The following BIVM variants were observed in gnomAD, a reference collection of about 807,000 sequenced individuals.
BIVM encodes the protein basic immunoglobulin-like variable motif-containing protein.
In BIVM, 31 loss-of-function variants were observed where a neutral mutation model predicts 61.4. That is an observed-to-expected ratio of 0.51 (90% CI 0.38 to 0.68). BIVM has a LOEUF of 0.68. Among genes scored for constraint, BIVM ranks in the 30% least tolerant of loss-of-function variants. The probability of loss-of-function intolerance (pLI) is 0.00; values close to 1 mark genes in which losing one functional copy is unlikely to be tolerated. For synonymous variants in BIVM, 189 were observed against 210.7 expected, an observed-to-expected ratio of 0.90 and a Z score of 0.89; for missense variants, 526 against 596.0, an observed-to-expected ratio of 0.88 and a Z score of 1.22.
At chr13:102,800,272 C>T (rs1223468013) in intron 1 of BIVM, 2 of 152,250 alleles carry the variant, frequency 1.3e-5, no homozygotes, top group African/African-American at 4.8e-5. Flanking sequence ...CAACAGCGTC[C>T]CCGGGGCCCG....
chr13:102,825,140 T>A (rs192180919), intron 7 of BIVM, among the ~76,000 whole-genome samples: 120 of 152,130 alleles, frequency 7.9e-4, no homozygotes, highest in Middle Eastern at 6.8e-3. Context: ...AGAGATGGGG[T>A]TTCACCATGT....
chr13:102,822,207 A>G, intron 7 of BIVM, 48 bp downstream of exon 7: 1 of 1,510,288 alleles, frequency 6.6e-7, no homozygotes, highest in Non-Finnish European at 9.1e-7. Flanking sequence ...ACACATGCAC[A>G]CACACACATA....
At chr13:102,834,278 A>C (rs1216009571) in intron 8 of BIVM, among the ~76,000 whole-genome samples, 188 bp from the exon 9 acceptor site, 1 of 151,948 alleles carries the variant, frequency 6.6e-6, no homozygotes, top group African/African-American at 2.4e-5. Context: ...TTAAGGCTGA[A>C]ATTTTAATTT....
In BIVM at chr13:102,839,495, G is replaced by A. The variant is rs1881696091; in HGVS notation, c.1219-77G>A. 2.0e-6 allele frequency: 3 copies of A among 1,538,344 alleles called. No individual in the cohort carries two copies. In the African/African-American group the frequency reaches 4.2e-5, roughly 21 times the overall value. On this transcript the variant is annotated intron_variant, in intron 10 of 10. Transcript: ENST00000257336. ...GCCGGTGAAGTAAAAAAAGAAAGAA[G>A]GGAGTTCATAGGGACCTACAAATTA...
rs57072683 is a variant in BIVM, at chr13:102,821,303, A to G, written c.701+171A>G. On this transcript the variant is annotated intron_variant, in intron 5 of 10. Coordinates refer to ENST00000257336, the MANE Select transcript of BIVM (RefSeq NM_017693.4). ...ATATACATGTATTATTTTCAGTGAA[A>G]TAAAAATGGGCTGGGTACAGTGGCC... Among the ~76,000 whole-genome samples the G allele has an allele frequency of 6.6e-3, 998 of 152,328 alleles. 9 individuals carry two copies. Among genetic ancestry groups the G allele is most frequent in the African/African-American group, 0.022 (919 of 41,582 alleles).
At chr13:102,811,186 T>C (rs1000818953) in intron 3 of BIVM, among the ~76,000 whole-genome samples, 2 of 152,244 alleles carry the variant, frequency 1.3e-5, no homozygotes, top group Non-Finnish European at 2.9e-5. Context: ...TATTTCTTCC[T>C]ATGGCTTTGA....
At chr13:102,810,803 T>A (rs1566446194) in intron 3 of BIVM, among the ~76,000 whole-genome samples, 1 of 152,238 alleles carries the variant, frequency 6.6e-6, no homozygotes, top group East Asian at 1.9e-4. Flanking sequence ...CGACCATGGC[T>A]TACTGCAGCC....
At chr13:102,801,969 G>T (rs9518840) in intron 1 of BIVM, among the ~76,000 whole-genome samples, 2 of 151,936 alleles carry the variant, frequency 1.3e-5, no homozygotes, top group Non-Finnish European at 2.9e-5. Flanking sequence ...AGCTTGGGGG[G>T]TGGGGGAAAG....
At position 102,839,829 on chromosome 13, in the gene BIVM, T is replaced by C; in HGVS notation, c.1476T>C (p.Gly492=). The C allele has an allele frequency of 6.2e-7, 1 of 1,613,570 alleles. No homozygotes were observed. The highest frequency in any genetic ancestry group is 2.2e-5 in the East Asian group (1 of 44,884). ...GTATCCATGAGAGAAGGAACAGTGG[T>C]TACCAGGGTTACAGTGATTACGATG... ...MSSIHERRNS[G]YQGYSDYDGN... The change falls in exon 11 of 11, where the codon GGT becomes GGC. Residue 492 remains glycine, a synonymous_variant. Coordinates refer to ENST00000257336, the MANE Select transcript of BIVM (RefSeq NM_017693.4).
At chr13:102,834,732 A>G (rs115722296) in intron 9 of BIVM, among the ~76,000 whole-genome samples, 180 bp downstream of exon 9, 3 of 152,160 alleles carry the variant, frequency 2.0e-5, no homozygotes, top group African/African-American at 7.2e-5. Flanking sequence ...ACTCCTATCA[A>G]TCTCCATAGA....
chr13:102,828,898 C>T (rs185657446), intron 7 of BIVM, among the ~76,000 whole-genome samples: 15 of 152,148 alleles, frequency 9.9e-5, no homozygotes, highest in South Asian at 6.2e-4. Flanking sequence ...GGCATGGTGG[C>T]GTGCACCTGT....
At chr13:102,826,217 T>C (rs1032444491) in intron 7 of BIVM, among the ~76,000 whole-genome samples, 1 of 152,124 alleles carries the variant, frequency 6.6e-6, no homozygotes, top group African/African-American at 2.4e-5. Context: ...TAGCTCATCT[T>C]TCCTTCTGGC....
At chr13:102,815,437 T>C (rs1879799733) in intron 3 of BIVM, among the ~76,000 whole-genome samples, 1 of 152,196 alleles carries the variant, frequency 6.6e-6, no homozygotes, top group African/African-American at 2.4e-5. Flanking sequence ...GGCTTGGATG[T>C]TATTTATTGA....
intron 7 of BIVM, among the ~76,000 whole-genome samples, chr13:102,824,099 A>G (rs1323320408): frequency 6.6e-6 from 1 of 152,240 alleles, no homozygotes; most frequent in Non-Finnish European, 1.5e-5. Flanking sequence ...TAGAAGGTAT[A>G]ATAATGATTC....
In BIVM at chr13:102,824,329, G is replaced by C. The variant is rs142791908; in HGVS notation, c.901+2170G>C. Among the ~76,000 whole-genome samples, 20 of 152,306 alleles carry C rather than the reference G, an allele frequency of 1.3e-4. 1 individual carries two copies. In the East Asian group the frequency reaches 3.9e-3, roughly 29 times the overall value. On this transcript the variant is annotated intron_variant, in intron 7 of 10. Coordinates refer to ENST00000257336, the MANE Select transcript of BIVM (RefSeq NM_017693.4). ...GGACCTTTGGATGTAGGGTTGTATA[G>C]TGTAGACAGCATCCACACTCAATCC...
In BIVM at chr13:102,821,865, G is replaced by A; in HGVS notation, c.806+18G>A. The A allele has an allele frequency of 6.2e-7, 1 of 1,606,878 alleles. No individual in the cohort carries two copies. The highest frequency in any genetic ancestry group is 1.7e-5 in the Admixed American group (1 of 58,578). ...CTTATGAGGTATGAAGACCCTCTTAGAGGCAATATCGTGTTTCTAGTTTTG... is the reference window on the plus strand; with the variant it reads ...CTTATGAGGTATGAAGACCCTCTTAAAGGCAATATCGTGTTTCTAGTTTTG... On this transcript the variant is annotated intron_variant, in intron 6 of 10. Coordinates refer to ENST00000257336, the MANE Select transcript of BIVM (RefSeq NM_017693.4).
intron 3 of BIVM, among the ~76,000 whole-genome samples, chr13:102,812,896 A>T (rs1879598775): frequency 6.6e-6 from 1 of 152,234 alleles, no homozygotes; most frequent in South Asian, 2.1e-4. Flanking sequence ...ATCAGAACAC[A>T]GATTTCCAAT....
chr13:102,826,521 T>C (rs1880681640), intron 7 of BIVM, among the ~76,000 whole-genome samples: 1 of 152,226 alleles, frequency 6.6e-6, no homozygotes, highest in African/African-American at 2.4e-5. Context: ...GGTGGCTTTA[T>C]ATCTCTTTTA....
intron 3 of BIVM, among the ~76,000 whole-genome samples, chr13:102,810,855 A>T (rs1879448255): frequency 6.6e-6 from 1 of 152,128 alleles, no homozygotes; most frequent in Non-Finnish European, 1.5e-5. Context: ...CAGCCTTCTG[A>T]GTAGCTGGGA....
Sources: allele counts gnomAD v4.1 joint callset (sites outside exome capture counted in the v4.1 genomes callset), GRCh38; gene constraint gnomAD v4.1.1; transcripts MANE v1.5; gene names NCBI Gene and HGNC (gene_info 2026-07-23, HGNC 2026-07-21).